GYPC: variants seen among roughly 807,000 people sequenced by gnomAD.
GYPC encodes glycophorin-C.
Under a neutral mutation model 12.6 loss-of-function variants are expected in GYPC, and 14 were observed. The ratio of observed to expected loss-of-function variants is 1.11; its 90% confidence interval spans 0.74 to 1.74. The LOEUF (loss-of-function observed/expected upper bound fraction) is 1.74, where lower values mean the gene tolerates loss of function less well. GYPC is among the 40% of genes most tolerant of loss of function. GYPC has a pLI of 0.00. For missense variants in GYPC, 225 were observed against 172.1 expected (o/e 1.31, Z -1.72); for synonymous variants, 78 against 62.1 (o/e 1.26, Z -1.20).
At chr2:126,669,665 C>T (rs1184821218) in intron 1 of GYPC, among the ~76,000 whole-genome samples, 2 of 152,166 alleles carry the variant, frequency 1.3e-5, no homozygotes, top group African/African-American at 2.4e-5. Context: ...GCTTGTCACT[C>T]ACTGAGAAAA....
intron 3 of GYPC, among the ~76,000 whole-genome samples, chr2:126,694,247 G>C (rs1438588948): frequency 6.6e-6 from 1 of 152,118 alleles, no homozygotes; most frequent in Non-Finnish European, 1.5e-5. Flanking sequence ...GTGGAGGTGA[G>C]ATGAGGGTAG....
chr2:126,690,115 G>T (rs1458181073), intron 1 of GYPC, 140 bp from the exon 2 acceptor site: 2 of 735,386 alleles, frequency 2.7e-6, no homozygotes, highest in Non-Finnish European at 5.0e-6. Flanking sequence ...GAGTCGGTGG[G>T]TGCACCACAC....
chr2:126,666,707 CTACACACACACACA>C (rs1558880208), intron 1 of GYPC, among the ~76,000 whole-genome samples: 1 of 100,002 alleles, frequency 1.0e-5, no homozygotes, highest in Non-Finnish European at 2.1e-5. Flanking sequence ...CCCTCCCTCC[CTACACACACACACA>C]CACACACACA....
At chr2:126,658,122 C>G (rs1031308519) in intron 1 of GYPC, 8 of 152,104 alleles carry the variant, frequency 5.3e-5, no homozygotes, top group Non-Finnish European at 8.8e-5. Context: ...GGGGTCAAGG[C>G]TCAGTGAGAA....
chr2:126,689,043 G>T (rs571119460), intron 1 of GYPC, among the ~76,000 whole-genome samples: 28 of 152,324 alleles, frequency 1.8e-4, no homozygotes, highest in African/African-American at 6.3e-4. Context: ...GGAAACATCA[G>T]GTCCCCAATG....
chr2:126,669,095 T>G (rs17690564), intron 1 of GYPC, among the ~76,000 whole-genome samples: 1 of 152,108 alleles, frequency 6.6e-6, no homozygotes, highest in Non-Finnish European at 1.5e-5. Context: ...TAGTTAGACA[T>G]AGTCGCAGCT....
At chr2:126,695,896 C>A (rs764797510) in intron 3 of GYPC, 50 bp from the exon 4 acceptor site, 1 of 1,470,544 alleles carries the variant, frequency 6.8e-7, no homozygotes, top group Non-Finnish European at 9.5e-7. Flanking sequence ...CCATCCCAGG[C>A]CCCAGAGCCC....
chr2:126,687,816 C>T (rs1426265715), intron 1 of GYPC, among the ~76,000 whole-genome samples: 3 of 152,066 alleles, frequency 2.0e-5, no homozygotes, highest in Non-Finnish European at 2.9e-5. Flanking sequence ...TGTGTGTAGT[C>T]TCCCAGTATA....
intron 1 of GYPC, among the ~76,000 whole-genome samples, chr2:126,660,726 T>C (rs1682511303): frequency 1.3e-5 from 2 of 152,110 alleles, no homozygotes; most frequent in South Asian, 4.1e-4. Context: ...CAAAAGAGCC[T>C]TTAAAAAGCC....
chr2:126,696,580 G>A lies in GYPC; in HGVS notation c.*438G>A, dbSNP rs1436739468. ...AAATGTCAGTCCTTGACATTTGGGG[G>A]GAACAGCAGGTGCCAGAGCTAAAAG... is the stretch of plus-strand genomic sequence containing the variant. On this transcript the variant is annotated 3_prime_UTR_variant, in exon 4 of 4. Transcript: ENST00000259254. The A allele has an allele frequency of 1.1e-5, 3 of 261,914 alleles. No homozygotes were observed. The highest frequency in any genetic ancestry group is 9.0e-5 in the South Asian group (2 of 22,292). 16.2% of individuals were successfully genotyped at this position (261,914 alleles called of 1,614,324 possible).
At chr2:126,680,252 G>A (rs1048956677) in intron 1 of GYPC, 1 of 152,382 alleles carries the variant, frequency 6.6e-6, no homozygotes, top group Non-Finnish European at 1.5e-5. Flanking sequence ...AGGATGAAGA[G>A]GTTGAAGATG....
At chr2:126,665,124 A>G (rs1234146901) in intron 1 of GYPC, among the ~76,000 whole-genome samples, 1 of 152,250 alleles carries the variant, frequency 6.6e-6, no homozygotes, top group South Asian at 2.1e-4. Flanking sequence ...TGTTCATTGT[A>G]GAATTGTAGG....
intron 2 of GYPC, among the ~76,000 whole-genome samples, chr2:126,690,796 C>A (rs1002682379): frequency 6.6e-6 from 1 of 152,144 alleles, no homozygotes; most frequent in African/African-American, 2.4e-5. Flanking sequence ...TGCTTTGAAC[C>A]CTGAGCAACG....
chr2:126,661,156 C>T (rs372670492), intron 1 of GYPC, among the ~76,000 whole-genome samples: 3 of 152,170 alleles, frequency 2.0e-5, no homozygotes, highest in East Asian at 1.9e-4. Context: ...TTAGGCAAGG[C>T]GAGGGTTGGG....
chr2:126,664,182 T>C (rs1041441782), intron 1 of GYPC, among the ~76,000 whole-genome samples: 8 of 152,094 alleles, frequency 5.3e-5, no homozygotes, highest in Non-Finnish European at 8.8e-5. Flanking sequence ...ATCCTGAGTA[T>C]TCCCTTTTTA....
intron 1 of GYPC, among the ~76,000 whole-genome samples, chr2:126,672,466 G>A (rs1682878699): frequency 6.6e-6 from 1 of 152,180 alleles, no homozygotes. Context: ...AGCTTTCAGA[G>A]CCTGTCTGAA....
At chr2:126,694,011 G>A (rs1683563263) in intron 3 of GYPC, 64 bp downstream of exon 3, 3 of 1,107,366 alleles carry the variant, frequency 2.7e-6, no homozygotes, top group East Asian at 2.3e-5. Flanking sequence ...AAACATCCAG[G>A]GGAGAACTGA....
intron 1 of GYPC, among the ~76,000 whole-genome samples, chr2:126,681,935 G>T (rs185294538): frequency 6.6e-6 from 1 of 152,220 alleles, no homozygotes; most frequent in Non-Finnish European, 1.5e-5. Context: ...ACAGCAGGGC[G>T]GCCAGATGCC....
At chr2:126,685,361 G>A (rs1683255268) in intron 1 of GYPC, among the ~76,000 whole-genome samples, 1 of 151,696 alleles carries the variant, frequency 6.6e-6, no homozygotes, top group African/African-American at 2.4e-5. Context: ...CTGCTTCAGA[G>A]TGCTTGTTAA....
Sources: gnomAD v4.1 joint callset for allele counts (sites outside exome capture counted in the v4.1 genomes callset) on GRCh38, gnomAD v4.1.1 for gene constraint, MANE v1.5 for transcripts, NCBI Gene and HGNC (gene_info 2026-07-23, HGNC 2026-07-21) for gene names.